Variants in FRMD4A observed in about 807,000 individuals in gnomAD.
FRMD4A encodes FERM domain containing 4A.
In FRMD4A, 29 loss-of-function variants were observed where a neutral mutation model predicts 129.1. That is an observed-to-expected ratio of 0.22 (90% CI 0.17 to 0.31). FRMD4A has a LOEUF of 0.31. Among genes scored for constraint, FRMD4A ranks in the 10% least tolerant of loss-of-function variants. The probability of loss-of-function intolerance (pLI) is 1.00; values close to 1 mark genes in which losing one functional copy is unlikely to be tolerated. For synonymous variants in FRMD4A, 634 were observed against 571.6 expected, an observed-to-expected ratio of 1.11 and a Z score of -1.56; for missense variants, 1,272 against 1,375.8, an observed-to-expected ratio of 0.92 and a Z score of 1.19.
intron 15 of FRMD4A, among the ~76,000 whole-genome samples, chr10:13,681,559 T>C (rs1051866729): frequency 1.4e-4 from 22 of 151,926 alleles, no homozygotes; most frequent in African/African-American, 5.1e-4. Context: ...TATATATATG[T>C]ATGTATATAT....
intron 2 of FRMD4A, among the ~76,000 whole-genome samples, chr10:14,052,755 G>C (rs1834322578): frequency 6.6e-6 from 1 of 151,902 alleles, no homozygotes; most frequent in African/African-American, 2.4e-5. Flanking sequence ...GTAGAGATGA[G>C]GTTTCACCAT....
chr10:13,819,273 T>G (rs1311455362), intron 3 of FRMD4A, among the ~76,000 whole-genome samples: 2 of 152,210 alleles, frequency 1.3e-5, no homozygotes, highest in Non-Finnish European at 2.9e-5. Context: ...TACAAAAATA[T>G]CCATTTCTGT....
rs138923215 is a variant in FRMD4A at position 13,995,039 on chromosome 10, A to T, written c.46-136127T>A. 4.9e-4 allele frequency among the ~76,000 whole-genome samples: 74 copies of T among 152,340 alleles called. No individual in the cohort carries two copies. In the East Asian group the frequency reaches 0.012, roughly 25 times the overall value. ...ATGTGTACCATCTGAGATAGAAACC[A>T]ACTCTCAAACCTAGCCAGTTTCTGA... On this transcript the variant is annotated intron_variant, in intron 2 of 24. Coordinates refer to ENST00000357447, the MANE Select transcript of FRMD4A (RefSeq NM_018027.5).
chr10:14,102,806 G>A (rs1317247623), intron 2 of FRMD4A, among the ~76,000 whole-genome samples: 3 of 150,900 alleles, frequency 2.0e-5, no homozygotes, highest in Admixed American at 6.6e-5. Context: ...GAATTGCGAA[G>A]AGAAGGGCTT....
At chr10:14,185,566 G>C (rs181538555) in intron 2 of FRMD4A, among the ~76,000 whole-genome samples, 1 of 152,270 alleles carries the variant, frequency 6.6e-6, no homozygotes, top group South Asian at 2.1e-4. Flanking sequence ...ACTATTTAAA[G>C]GTTCAATCTC....
chr10:14,157,940 A>T (rs1840682102), intron 2 of FRMD4A, among the ~76,000 whole-genome samples: 1 of 152,204 alleles, frequency 6.6e-6, no homozygotes, highest in Non-Finnish European at 1.5e-5. Context: ...TTTTCAGCAG[A>T]CAAGGAAAAG....
Position 13,749,788 on chromosome 10 carries a change from A to G in FRMD4A, c.465-1969T>C, listed in dbSNP as rs529395805. 5.9e-5 allele frequency among the ~76,000 whole-genome samples: 9 copies of G among 152,066 alleles called. 1 individual carries two copies. The highest frequency in any genetic ancestry group is 1.9e-4 in the African/African-American group (8 of 41,466). On this transcript the variant is annotated intron_variant, in intron 8 of 24. Coordinates refer to ENST00000357447, the MANE Select transcript of FRMD4A (RefSeq NM_018027.5). ...AGGATCACTTCAGTCCAGGAGCTCAAGATCAGCTTGGGCAACATAGTGGGA... is the reference window on the plus strand; with the variant it reads ...AGGATCACTTCAGTCCAGGAGCTCAGGATCAGCTTGGGCAACATAGTGGGA...
chr10:14,304,392 G>A (rs1846279674), intron 2 of FRMD4A, among the ~76,000 whole-genome samples: 1 of 152,160 alleles, frequency 6.6e-6, no homozygotes, highest in Non-Finnish European at 1.5e-5. Context: ...AATGATGAGT[G>A]ATGTTGAGAG....
intron 2 of FRMD4A, among the ~76,000 whole-genome samples, chr10:13,959,227 A>T (rs1256462057): frequency 6.6e-6 from 1 of 152,120 alleles, no homozygotes; most frequent in Non-Finnish European, 1.5e-5. Flanking sequence ...TAATCTCAGC[A>T]CTTTGGGAGG....
At chr10:13,796,264 A>G (rs1199150036) in intron 5 of FRMD4A, among the ~76,000 whole-genome samples, 1 of 152,192 alleles carries the variant, frequency 6.6e-6, no homozygotes, top group Admixed American at 6.5e-5. Context: ...ATTCCACACA[A>G]GCATCCTAGT....
At chr10:13,753,773 G>A (rs2091738886) in intron 8 of FRMD4A, among the ~76,000 whole-genome samples, 1 of 151,956 alleles carries the variant, frequency 6.6e-6, no homozygotes, top group African/African-American at 2.4e-5. Flanking sequence ...TTGAACTCCT[G>A]GGCTCAAGCA....
At chr10:13,993,341 C>G (rs781056086) in intron 2 of FRMD4A, among the ~76,000 whole-genome samples, 7 of 152,180 alleles carry the variant, frequency 4.6e-5, no homozygotes, top group Non-Finnish European at 8.8e-5. Flanking sequence ...AGTTCTTGCT[C>G]AAGGACTTGG....
intron 12 of FRMD4A, among the ~76,000 whole-genome samples, chr10:13,729,108 G>A (rs1387081062): frequency 5.8e-5 from 2 of 34,438 alleles, no homozygotes; most frequent in African/African-American, 1.4e-4. Flanking sequence ...CCGCCCCCGC[G>A]GCCAAGTAGG....
intron 3 of FRMD4A, among the ~76,000 whole-genome samples, chr10:13,840,101 T>C (rs1025816125): frequency 2.0e-5 from 3 of 152,260 alleles, no homozygotes; most frequent in African/African-American, 4.8e-5. Flanking sequence ...TGTTAGGGAC[T>C]GAACTATGTG....
chr10:13,786,761 A>T (rs186679410), intron 5 of FRMD4A, among the ~76,000 whole-genome samples: 1 of 152,174 alleles, frequency 6.6e-6, no homozygotes, highest in Admixed American at 6.5e-5. Context: ...TAACACCAGA[A>T]TATTAACAGA....
intron 2 of FRMD4A, among the ~76,000 whole-genome samples, chr10:14,271,375 C>A (rs1053033264): frequency 1.3e-5 from 2 of 152,232 alleles, no homozygotes; most frequent in African/African-American, 2.4e-5. Flanking sequence ...CAAGGCAGGG[C>A]CCAGCCCTAG....
rs557147876 is a variant in FRMD4A, at chr10:14,059,459, C to G, written c.46-200547G>C. On this transcript the variant is annotated intron_variant, in intron 2 of 24. Coordinates refer to ENST00000357447, the MANE Select transcript of FRMD4A (RefSeq NM_018027.5). ...GCTTACAAGAAGAGATGTCAGAGAG[C>G]CCTCTCTCTTTCTCTCTCTTTCTCT... is the stretch of plus-strand genomic sequence containing the variant. Among the ~76,000 whole-genome samples, 10 of 138,384 alleles carry G rather than the reference C, an allele frequency of 7.2e-5. No homozygotes were observed. In the South Asian group the frequency reaches 1.8e-3, roughly 25 times the overall value. The allele number at this position is 138,384 out of a possible 152,430, so 90.8% of individuals were successfully genotyped here. A position where few individuals can be genotyped will look rare whatever the true frequency, so the allele number is the denominator to read the frequency against.
intron 2 of FRMD4A, among the ~76,000 whole-genome samples, chr10:13,934,340 A>C (rs1262425043): frequency 6.6e-6 from 1 of 152,258 alleles, no homozygotes; most frequent in Non-Finnish European, 1.5e-5. Flanking sequence ...AATTTAGAGA[A>C]AAGTCTGAAC....
At chr10:13,986,507 GGA>G (rs2095581845) in intron 2 of FRMD4A, among the ~76,000 whole-genome samples, 1 of 96,060 alleles carries the variant, frequency 1.0e-5, no homozygotes, top group Admixed American at 1.3e-4. Flanking sequence ...TGGGGTGGGG[GGA>G]GGGGGGAGGG....
Sources: gnomAD v4.1 joint callset for allele counts (sites outside exome capture counted in the v4.1 genomes callset) on GRCh38, gnomAD v4.1.1 for gene constraint, MANE v1.5 for transcripts, NCBI Gene and HGNC (gene_info 2026-07-23, HGNC 2026-07-21) for gene names.